The following TRPC4 variants were observed in gnomAD, a reference collection of about 807,000 sequenced individuals.
TRPC4 encodes transient receptor potential cation channel subfamily C member 4.
Under a neutral mutation model 99.4 loss-of-function variants are expected in TRPC4, and 49 were observed. That is an observed-to-expected ratio of 0.49 (90% CI 0.39 to 0.63). The LOEUF (loss-of-function observed/expected upper bound fraction) is 0.63, where lower values mean the gene tolerates loss of function less well. Among genes scored for constraint, TRPC4 ranks in the 20% least tolerant of loss-of-function variants. The pLI, the probability that TRPC4 is intolerant of heterozygous loss-of-function variation, is 0.00. For missense variants in TRPC4, 898 were observed against 1,152.9 expected (o/e 0.78, Z 3.20); for synonymous variants, 454 against 425.9 (o/e 1.07, Z -0.81).
rs1484917892 is a variant in TRPC4 at position 37,746,252 on chromosome 13, G to A, written c.582C>T (p.Arg194=). The A allele has an allele frequency of 2.5e-6, 4 of 1,613,844 alleles. No individual in the cohort carries two copies. The highest frequency in any genetic ancestry group is 2.2e-5 in the South Asian group (2 of 91,084). Residue 194 remains arginine (R), a synonymous_variant, in exon 3 of 11, where the codon CGC becomes CGT. Coordinates refer to ENST00000379705, the MANE Select transcript of TRPC4 (RefSeq NM_016179.4). The part of the protein sequence containing the change: ...SSDVDSLRHS[R]SRLNIYKALA... ...AGGCCTTGTAGATGTTGAGTCTGGAGCGTGAGTGACGGAGGCTGTCCACAT... is the reference window on the plus strand; with the variant it reads ...AGGCCTTGTAGATGTTGAGTCTGGAACGTGAGTGACGGAGGCTGTCCACAT...
At chr13:37,823,772 A>G (rs1346863322) in intron 1 of TRPC4, among the ~76,000 whole-genome samples, 1 of 138,140 alleles carries the variant, frequency 7.2e-6, no homozygotes, top group African/African-American at 2.6e-5. Context: ...TTTGTTCCAT[A>G]TGAACTTTAA....
intron 1 of TRPC4, among the ~76,000 whole-genome samples, chr13:37,788,520 G>A (rs1957027749): frequency 6.6e-6 from 1 of 152,006 alleles, no homozygotes; most frequent in Non-Finnish European, 1.5e-5. Context: ...AGGTTCTGGT[G>A]ACAAGCCTGC....
chr13:37,746,616 C>T (rs1382493583), intron 2 of TRPC4, among the ~76,000 whole-genome samples, 161 bp from the exon 3 acceptor site: 1 of 147,830 alleles, frequency 6.8e-6, no homozygotes, highest in Non-Finnish European at 1.5e-5. Context: ...TACAAAAAGA[C>T]CAGACAAAAT....
chr13:37,716,570 T>C (rs897077823), intron 3 of TRPC4, among the ~76,000 whole-genome samples: 1 of 152,144 alleles, frequency 6.6e-6, no homozygotes, highest in Non-Finnish European at 1.5e-5. Flanking sequence ...ACTCTGAACC[T>C]ACATAGTATC....
At chr13:37,713,904 A>G (rs1307775613) in intron 3 of TRPC4, among the ~76,000 whole-genome samples, 1 of 152,148 alleles carries the variant, frequency 6.6e-6, no homozygotes, top group Non-Finnish European at 1.5e-5. Context: ...GAATCTGTGC[A>G]TTCTTTGTTT....
chr13:37,657,853 T>G (rs1185368344), intron 6 of TRPC4, among the ~76,000 whole-genome samples: 6 of 152,176 alleles, frequency 3.9e-5, no homozygotes, highest in Admixed American at 3.9e-4. Flanking sequence ...CATGATTACT[T>G]ATAGATTATT....
chr13:37,666,918 T>A (rs892898919), intron 5 of TRPC4, among the ~76,000 whole-genome samples: 1 of 140,266 alleles, frequency 7.1e-6, no homozygotes, highest in Non-Finnish European at 1.6e-5. Context: ...CAACTATACA[T>A]CTCCAGCTGA....
At chr13:37,700,241 A>T (rs922596337) in intron 3 of TRPC4, among the ~76,000 whole-genome samples, 1 of 152,204 alleles carries the variant, frequency 6.6e-6, no homozygotes, top group Non-Finnish European at 1.5e-5. Context: ...GCAGAAAATT[A>T]TACAGTATTG....
chr13:37,796,640 C>T (rs942938730), intron 1 of TRPC4, among the ~76,000 whole-genome samples: 2 of 152,002 alleles, frequency 1.3e-5, no homozygotes, highest in Non-Finnish European at 2.9e-5. Flanking sequence ...AATATTAGTA[C>T]CTCAGATCTG....
intron 1 of TRPC4, among the ~76,000 whole-genome samples, chr13:37,841,944 A>C (rs1458052660): frequency 6.6e-6 from 1 of 152,040 alleles, no homozygotes; most frequent in Non-Finnish European, 1.5e-5. Context: ...AAAATCATAA[A>C]ATTTTATTTA....
intron 5 of TRPC4, among the ~76,000 whole-genome samples, chr13:37,669,225 T>C (rs1434685054): frequency 6.6e-6 from 1 of 152,192 alleles, no homozygotes; most frequent in Non-Finnish European, 1.5e-5. Context: ...GGAATTAAAA[T>C]CTAATCATTT....
intron 1 of TRPC4, among the ~76,000 whole-genome samples, chr13:37,799,354 C>G (rs604532): frequency 0.63 from 95,337 of 152,052 alleles, 30,413 homozygotes; most frequent in South Asian, 0.68. Flanking sequence ...GATTTTTCTA[C>G]TAGATAATTC....
At chr13:37,790,318 A>C (rs896465982) in intron 1 of TRPC4, among the ~76,000 whole-genome samples, 2 of 152,170 alleles carry the variant, frequency 1.3e-5, no homozygotes, top group African/African-American at 4.8e-5. Context: ...CTGGACATGT[A>C]AGAATAACTC....
At chr13:37,700,153 G>T (rs1230750623) in intron 3 of TRPC4, among the ~76,000 whole-genome samples, 3 of 152,116 alleles carry the variant, frequency 2.0e-5, no homozygotes, top group East Asian at 3.9e-4. Context: ...AAACTATTAT[G>T]GAAAATAGAT....
At chr13:37,826,383 T>TGA (rs1357882257) in intron 1 of TRPC4, among the ~76,000 whole-genome samples, 1 of 126,320 alleles carries the variant, frequency 7.9e-6, no homozygotes, top group Non-Finnish European at 1.6e-5. Flanking sequence ...GGTCTTTACA[T>TGA]TTTGGCATGA....
intron 8 of TRPC4, among the ~76,000 whole-genome samples, chr13:37,645,764 CA>C (rs1303612451): frequency 1.3e-5 from 2 of 152,214 alleles, no homozygotes; most frequent in Non-Finnish European, 2.9e-5. Context: ...TTCATGAACA[CA>C]TTTTCTAAGC....
At chr13:37,852,114 T>A (rs1959074376) in intron 1 of TRPC4, among the ~76,000 whole-genome samples, 1 of 152,102 alleles carries the variant, frequency 6.6e-6, no homozygotes, top group South Asian at 2.1e-4. Flanking sequence ...ACCAGAGGAC[T>A]AAGGTGACAT....
At chr13:37,808,911 G>A (rs189021745) in intron 1 of TRPC4, among the ~76,000 whole-genome samples, 272 of 152,028 alleles carry the variant, frequency 1.8e-3, no homozygotes, top group Middle Eastern at 3.4e-3. Flanking sequence ...CCCTGAAACC[G>A]CCATCTAAGT....
At chr13:37,668,372 G>A (rs946831536) in intron 5 of TRPC4, among the ~76,000 whole-genome samples, 1 of 152,102 alleles carries the variant, frequency 6.6e-6, no homozygotes, top group Non-Finnish European at 1.5e-5. Context: ...GGCATTTTTA[G>A]GTGCTGGACA....
Sources: gnomAD v4.1 joint callset for allele counts (sites outside exome capture counted in the v4.1 genomes callset) on GRCh38, gnomAD v4.1.1 for gene constraint, MANE v1.5 for transcripts, NCBI Gene and HGNC (gene_info 2026-07-23, HGNC 2026-07-21) for gene names.